Variants in MAML3 observed in about 807,000 individuals in gnomAD.
The protein encoded by MAML3 is mastermind like transcriptional coactivator 3, also known as mastermind-like protein 3.
A neutral mutation model predicts 101.9 loss-of-function variants in MAML3; 27 were observed. The observed-to-expected ratio is 0.27, with a 90% confidence interval of 0.20 to 0.37. MAML3 has a LOEUF of 0.37. Among genes scored for constraint, MAML3 ranks in the 10% least tolerant of loss-of-function variants. The probability of loss-of-function intolerance (pLI) is 1.00; values close to 1 mark genes in which losing one functional copy is unlikely to be tolerated. For synonymous variants in MAML3, 501 were observed against 555.9 expected (o/e 0.90, Z 1.39); for missense variants, 1,316 against 1,444.9 (o/e 0.91, Z 1.45).
chr4:140,087,793 G>A (rs776978091), intron 1 of MAML3, among the ~76,000 whole-genome samples: 2 of 152,082 alleles, frequency 1.3e-5, no homozygotes, highest in Non-Finnish European at 2.9e-5. Flanking sequence ...TTTAAGCACT[G>A]AATCATGTCA....
chr4:140,076,762 G>A (rs1037475904), intron 1 of MAML3, among the ~76,000 whole-genome samples: 24 of 152,196 alleles, frequency 1.6e-4, no homozygotes, highest in Non-Finnish European at 7.3e-5. Context: ...TCCCCAAGAT[G>A]GGCTGCCACA....
intron 1 of MAML3, among the ~76,000 whole-genome samples, chr4:140,151,016 G>A (rs1373313148): frequency 5.9e-5 from 9 of 151,480 alleles, no homozygotes; most frequent in Non-Finnish European, 8.9e-5. Flanking sequence ...GGCATGGGGG[G>A]CGCGGCGGGG....
At chr4:139,730,914 T>G in intron 2 of MAML3, 1 of 563,602 alleles carries the variant, frequency 1.8e-6, no homozygotes, top group Non-Finnish European at 3.2e-6. Context: ...AAGTCCAGTC[T>G]GTTTCGGATG....
chr4:139,882,632 T>C (rs930586388), intron 2 of MAML3, among the ~76,000 whole-genome samples: 15 of 152,180 alleles, frequency 9.9e-5, no homozygotes, highest in African/African-American at 3.6e-4. Flanking sequence ...GTGGATCATC[T>C]GAGGTCAGGA....
Position 140,153,502 on chromosome 4 carries a change from T to C in MAML3, c.-175A>G, listed in dbSNP as rs1479041887. On this transcript the variant is annotated 5_prime_UTR_variant, in exon 1 of 5. Transcript: ENST00000509479. ...AAAAACGGGGGGGGAGATTTTGGGGTGGTTTTTGTTTCCTTTTTTTAAACT... is the reference window on the plus strand; with the variant it reads ...AAAAACGGGGGGGGAGATTTTGGGGCGGTTTTTGTTTCCTTTTTTTAAACT... The C allele has an allele frequency of 3.0e-6, 2 of 677,906 alleles. No homozygotes were observed. Among genetic ancestry groups the C allele is most frequent in the African/African-American group, 1.9e-5 (1 of 51,754 alleles). The allele number at this position is 677,906 out of a possible 1,614,324, so 42.0% of individuals were successfully genotyped here.
At chr4:139,791,322 G>A (rs1306333932) in intron 2 of MAML3, among the ~76,000 whole-genome samples, 1 of 151,780 alleles carries the variant, frequency 6.6e-6, no homozygotes, top group Admixed American at 6.6e-5. Flanking sequence ...CATGGCAAAA[G>A]CCCATCTCTA....
At chr4:139,979,081 C>T (rs565391922) in intron 1 of MAML3, among the ~76,000 whole-genome samples, 15 of 152,100 alleles carry the variant, frequency 9.9e-5, no homozygotes, top group Admixed American at 1.3e-4. Context: ...TGTATGTGTC[C>T]GGCTCTGTAT....
rs1201696297 is a variant in MAML3, at chr4:139,785,104, G to A, written c.2080-54437C>T. On this transcript the variant is annotated intron_variant, in intron 2 of 4. Coordinates refer to ENST00000509479, the MANE Select transcript of MAML3 (RefSeq NM_018717.5). The surrounding 1 kb of genome is among the most constrained non-coding windows in gnomAD (Gnocchi z 4.3). ...TTACATTTGTACAAAAGAAGAAGGC[G>A]GCTAGCTTGGACACAAACACTCATG... 2.6e-5 allele frequency among the ~76,000 whole-genome samples: 4 copies of A among 152,114 alleles called. No homozygotes were observed. Among genetic ancestry groups the A allele is most frequent in the Non-Finnish European group, 5.9e-5 (4 of 68,028 alleles).
At chr4:139,809,950 T>C (rs1172841479) in intron 2 of MAML3, among the ~76,000 whole-genome samples, 2 of 151,430 alleles carry the variant, frequency 1.3e-5, no homozygotes, top group Non-Finnish European at 1.5e-5. Context: ...TAATGGTAAA[T>C]ACAAATTGAG....
intron 2 of MAML3, among the ~76,000 whole-genome samples, chr4:139,826,257 C>T (rs1005348845): frequency 6.6e-6 from 1 of 152,084 alleles, no homozygotes; most frequent in Non-Finnish European, 1.5e-5. Context: ...GGAAAGCGGA[C>T]ATGGGCTGGC....
At chr4:139,750,250 A>G (rs1351146826) in intron 2 of MAML3, among the ~76,000 whole-genome samples, 1 of 152,212 alleles carries the variant, frequency 6.6e-6, no homozygotes, top group Non-Finnish European at 1.5e-5. Flanking sequence ...AAGGGGTGAC[A>G]ATTCCCCAGT....
chr4:139,755,774 T>C (rs1729636156), intron 2 of MAML3, among the ~76,000 whole-genome samples: 1 of 152,002 alleles, frequency 6.6e-6, no homozygotes, highest in African/African-American at 2.4e-5. Context: ...GCCTGAAGAG[T>C]GTAGGAAGTT....
intron 1 of MAML3, among the ~76,000 whole-genome samples, chr4:140,119,588 T>A (rs910083834): frequency 8.1e-5 from 12 of 147,858 alleles, no homozygotes; most frequent in Non-Finnish European, 1.3e-4. Context: ...TACACAATTT[T>A]TTCCCCCTCC....
At chr4:140,083,528 A>G (rs1727896803) in intron 1 of MAML3, among the ~76,000 whole-genome samples, 1 of 152,150 alleles carries the variant, frequency 6.6e-6, no homozygotes, top group Non-Finnish European at 1.5e-5. Flanking sequence ...TTGCACATAA[A>G]TGCTATTTGG....
chr4:139,841,287 C>G (rs1731356581), intron 2 of MAML3, among the ~76,000 whole-genome samples: 1 of 152,208 alleles, frequency 6.6e-6, no homozygotes, highest in African/African-American at 2.4e-5. Context: ...CACACATCAG[C>G]AAAAAGAAAA....
At chr4:139,980,355 C>CTT (rs2110808167) in intron 1 of MAML3, among the ~76,000 whole-genome samples, 1 of 152,298 alleles carries the variant, frequency 6.6e-6, no homozygotes, top group South Asian at 2.1e-4. Flanking sequence ...CTCCTTTGGC[C>CTT]ATTACTGTGG....
At chr4:140,073,040 G>A (rs929880992) in intron 1 of MAML3, among the ~76,000 whole-genome samples, 1 of 152,136 alleles carries the variant, frequency 6.6e-6, no homozygotes. Context: ...TAGGGAGGGA[G>A]GAGGATGGCT....
chr4:140,092,207 G>A (rs557719675), intron 1 of MAML3, among the ~76,000 whole-genome samples: 1 of 150,868 alleles, frequency 6.6e-6, no homozygotes, highest in African/African-American at 2.4e-5. Flanking sequence ...GCTTTTCCCC[G>A]ATGCAGACAC....
At chr4:139,762,456 T>C (rs1729776204) in intron 2 of MAML3, among the ~76,000 whole-genome samples, 1 of 152,190 alleles carries the variant, frequency 6.6e-6, no homozygotes, top group South Asian at 2.1e-4. Context: ...CCACTGCTTA[T>C]AGTACCTTTG....
Sources: allele counts gnomAD v4.1 joint callset (sites outside exome capture counted in the v4.1 genomes callset), GRCh38; gene constraint gnomAD v4.1.1; non-coding constraint Gnocchi (gnomAD v3.1); transcripts MANE v1.5; gene names NCBI Gene and HGNC (gene_info 2026-07-23, HGNC 2026-07-21).